Variants in FMN1 observed in about 807,000 individuals in gnomAD.
FMN1 encodes the protein formin-1.
FMN1 carries 110 observed loss-of-function variants against 132.4 expected under a neutral mutation model. The ratio of observed to expected loss-of-function variants is 0.83; its 90% CI spans 0.71 to 0.97. The LOEUF is 0.97. Among genes scored for constraint, FMN1 ranks in the 50% least tolerant of loss-of-function variants. The pLI is 0.00. For missense variants in FMN1, 1,792 were observed against 1,705.3 expected (o/e 1.05, Z -0.90); for synonymous variants, 722 against 651.7 (o/e 1.11, Z -1.64).
chr15:33,008,352 T>G (rs1474507048), intron 6 of FMN1, among the ~76,000 whole-genome samples: 1 of 152,162 alleles, frequency 6.6e-6, no homozygotes, highest in African/African-American at 2.4e-5. Flanking sequence ...GTGTTCCAGA[T>G]AAACACTAGG....
At chr15:33,140,632 T>C (rs922213937) in intron 4 of FMN1, among the ~76,000 whole-genome samples, 1 of 152,140 alleles carries the variant, frequency 6.6e-6, no homozygotes, top group Admixed American at 6.5e-5. Context: ...TGCTTTAAGA[T>C]GGAAGAAGCA....
At chr15:33,023,465 C>T (rs929573838) in intron 6 of FMN1, among the ~76,000 whole-genome samples, 5 of 152,012 alleles carry the variant, frequency 3.3e-5, no homozygotes, top group Admixed American at 6.6e-5. Context: ...TAATAATCAT[C>T]ATAAACAATA....
intron 5 of FMN1, among the ~76,000 whole-genome samples, chr15:33,084,889 T>G (rs2038628539): frequency 1.3e-5 from 2 of 152,192 alleles, no homozygotes. Flanking sequence ...TTACCTTTCA[T>G]CACGTACTAA....
chr15:32,936,965 C>G (rs1305173478), intron 9 of FMN1, among the ~76,000 whole-genome samples: 1 of 152,162 alleles, frequency 6.6e-6, no homozygotes, highest in African/African-American at 2.4e-5. Flanking sequence ...CTAGAGTATG[C>G]TGTGTCCCAT....
intron 16 of FMN1, among the ~76,000 whole-genome samples, chr15:32,874,188 A>G (rs1398870378): frequency 1.3e-5 from 2 of 151,260 alleles, no homozygotes; most frequent in South Asian, 2.1e-4. Context: ...CGCCCAGCTA[A>G]TTTTTTGTAC....
chr15:32,835,589 G>C (rs1188520227), intron 17 of FMN1, among the ~76,000 whole-genome samples: 1 of 152,132 alleles, frequency 6.6e-6, no homozygotes, highest in Non-Finnish European at 1.5e-5. Context: ...TGATGTGATG[G>C]TTTGGAAGGG....
intron 17 of FMN1, among the ~76,000 whole-genome samples, chr15:32,822,858 T>G (rs1312047323): frequency 1.3e-5 from 2 of 152,234 alleles, no homozygotes; most frequent in Non-Finnish European, 2.9e-5. Flanking sequence ...ATATCTGTTC[T>G]GCCTACAAGC....
intron 19 of FMN1, among the ~76,000 whole-genome samples, chr15:32,791,452 TA>T (rs2057075235): frequency 6.6e-6 from 1 of 152,174 alleles, no homozygotes; most frequent in Non-Finnish European, 1.5e-5. Context: ...ATCTTTCCTT[TA>T]TTTCATGAGC....
intron 3 of FMN1, among the ~76,000 whole-genome samples, chr15:33,172,305 AAG>A (rs754930309): frequency 1.2e-4 from 19 of 152,236 alleles, no homozygotes; most frequent in African/African-American, 4.1e-4. Context: ...CTAAAGTACT[AAG>A]AGGTGGAATG....
intron 9 of FMN1, among the ~76,000 whole-genome samples, chr15:32,928,448 A>C (rs368460875): frequency 4.1e-4 from 63 of 152,336 alleles, no homozygotes; most frequent in African/African-American, 1.4e-3. Context: ...AATTAAGAAA[A>C]GTCAATTTAG....
chr15:32,833,113 C>T (rs961361462), intron 17 of FMN1, among the ~76,000 whole-genome samples: 4 of 152,126 alleles, frequency 2.6e-5, no homozygotes, highest in Admixed American at 6.5e-5. Flanking sequence ...TATTAAATGC[C>T]CACTGCATGC....
chr15:33,080,559 C>T (rs975108879), intron 5 of FMN1, among the ~76,000 whole-genome samples: 2 of 152,112 alleles, frequency 1.3e-5, no homozygotes, highest in African/African-American at 4.8e-5. Flanking sequence ...TCAAGACCAG[C>T]CTGGCCAATG....
chr15:32,902,543 C>A (rs531589646), intron 12 of FMN1, among the ~76,000 whole-genome samples: 19 of 152,310 alleles, frequency 1.2e-4, no homozygotes, highest in African/African-American at 4.6e-4. Context: ...CAGTGAGTTA[C>A]ATAATGGTCT....
intron 17 of FMN1, among the ~76,000 whole-genome samples, chr15:32,856,212 T>C (rs2141286435): frequency 6.6e-6 from 1 of 152,322 alleles, no homozygotes; most frequent in East Asian, 1.9e-4. Flanking sequence ...AGAAAAAGCA[T>C]GTTGAGATAT....
intron 4 of FMN1, among the ~76,000 whole-genome samples, chr15:33,124,243 T>C (rs746818026): frequency 6.7e-6 from 1 of 148,964 alleles, no homozygotes; most frequent in Non-Finnish European, 1.5e-5. Flanking sequence ...AGGAAACAGA[T>C]GTTATGTGGA....
At chr15:32,908,603 C>CAAAAAAAA (rs71424680) in intron 11 of FMN1, 25 bp from the exon 12 acceptor site, 10 of 602,028 alleles carry the variant, frequency 1.7e-5, no homozygotes, top group African/African-American at 7.5e-5. Context: ...AAAACAAAAC[C>CAAAAAAAA]AAAAAAAAAA....
At chr15:33,005,049 G>A (rs1468752163) in intron 7 of FMN1, among the ~76,000 whole-genome samples, 2 of 152,080 alleles carry the variant, frequency 1.3e-5, no homozygotes, top group Admixed American at 6.5e-5. Flanking sequence ...TGGGGTGGGG[G>A]TAGCGGGGAG....
intron 16 of FMN1, 36 bp downstream of exon 16, chr15:32,888,136 T>C: frequency 1.3e-6 from 2 of 1,543,714 alleles, no homozygotes; most frequent in Non-Finnish European, 1.8e-6. Flanking sequence ...AAAGTAATCT[T>C]AGCTATTATC....
chr15:32,961,110 G>T (rs1222368743), intron 9 of FMN1, among the ~76,000 whole-genome samples: 1 of 151,586 alleles, frequency 6.6e-6, no homozygotes. Flanking sequence ...ATACTGGTGG[G>T]TCAGGTAGAT....
Sources: allele counts gnomAD v4.1 joint callset (sites outside exome capture counted in the v4.1 genomes callset), GRCh38; gene constraint gnomAD v4.1.1; transcripts MANE v1.5; gene names NCBI Gene and HGNC (gene_info 2026-07-23, HGNC 2026-07-21).